The following GYS2 variants were observed in gnomAD, a reference collection of about 807,000 sequenced individuals.
The protein encoded by GYS2 is glycogen [starch] synthase, liver.
GYS2 carries 80 observed loss-of-function variants against 85.6 expected under a neutral mutation model. That is an observed-to-expected ratio of 0.93 (90% CI 0.78 to 1.13). The LOEUF (loss-of-function observed/expected upper bound fraction) is 1.13, where lower values mean the gene tolerates loss of function less well. GYS2 is among the 50% of genes most tolerant of loss of function. The pLI is 0.00. For synonymous variants in GYS2, 328 were observed against 300.7 expected (o/e 1.09, Z -0.94); for missense variants, 881 against 854.9 (o/e 1.03, Z -0.38).
chr12:21,585,640 G>A (rs938984402), intron 1 of GYS2, among the ~76,000 whole-genome samples: 17 of 151,600 alleles, frequency 1.1e-4, no homozygotes, highest in Non-Finnish European at 7.4e-5. Context: ...AGCAGAAGAA[G>A]GTAGTCATCA....
intron 1 of GYS2, among the ~76,000 whole-genome samples, chr12:21,583,857 G>A (rs1438377225): frequency 2.0e-5 from 3 of 152,190 alleles, no homozygotes; most frequent in Admixed American, 2.0e-4. Context: ...GTATATATGC[G>A]ATTGGGCTTG....
intron 1 of GYS2, among the ~76,000 whole-genome samples, chr12:21,597,544 A>T (rs1944709859): frequency 6.6e-6 from 1 of 152,120 alleles, no homozygotes; most frequent in African/African-American, 2.4e-5. Context: ...TTAATAAATA[A>T]ATAACACATG....
At chr12:21,576,204 C>T (rs1944445287) in intron 2 of GYS2, 147 bp from the exon 3 acceptor site, 1 of 685,974 alleles carries the variant, frequency 1.5e-6, no homozygotes, top group Non-Finnish European at 2.6e-6. Context: ...AACATATAGC[C>T]TCTGCTGTTT....
intron 3 of GYS2, 43 bp from the exon 4 acceptor site, chr12:21,574,369 A>C (rs778953072): frequency 6.7e-7 from 1 of 1,487,378 alleles, no homozygotes; most frequent in Non-Finnish European, 9.4e-7. Context: ...TTGTTGATGA[A>C]GCTTGATTGT....
chr12:21,579,775 C>G (rs1944487946), intron 2 of GYS2, among the ~76,000 whole-genome samples: 1 of 152,130 alleles, frequency 6.6e-6, no homozygotes, highest in Non-Finnish European at 1.5e-5. Context: ...GATTCTAATT[C>G]TATGGCCTCC....
intron 9 of GYS2, among the ~76,000 whole-genome samples, chr12:21,559,417 G>A (rs918460794): frequency 1.3e-5 from 2 of 152,060 alleles, no homozygotes; most frequent in African/African-American, 4.8e-5. Context: ...AACCCTTAAT[G>A]AGTTCATCAT....
chr12:21,570,382 T>C (rs898331568), intron 4 of GYS2, among the ~76,000 whole-genome samples: 2 of 152,234 alleles, frequency 1.3e-5, no homozygotes, highest in Admixed American at 6.5e-5. Flanking sequence ...GAAATGAGTA[T>C]GTGTCTGAAT....
chr12:21,533,931 G>T (rs910983270), downstream of GYS2, among the ~76,000 whole-genome samples: 6 of 152,174 alleles, frequency 3.9e-5, no homozygotes, highest in African/African-American at 1.4e-4. Flanking sequence ...TTCTTGCTGT[G>T]TCCTCACGTG....
At chr12:21,548,750 T>C (rs918225547) in intron 11 of GYS2, among the ~76,000 whole-genome samples, 17 of 152,166 alleles carry the variant, frequency 1.1e-4, no homozygotes, top group Non-Finnish European at 2.4e-4. Context: ...AAAATGTATA[T>C]ATACAGTACT....
At position 21,563,014 on chromosome 12, in the gene GYS2, C is replaced by A. The variant is rs757319049; in HGVS notation, c.966G>T (p.Lys322Asn). Residue 322 changes from lysine (K) to asparagine (N), a missense_variant, in exon 7 of 16, where the codon AAG becomes AAT. Physicochemically the swap from Lys to Asn is moderately conservative, Grantham distance 94. Transcript: ENST00000261195. ...TCCCAGCAATGAAAAGGAACAAAGT[C>A]TTTTCAAGATCAAAGTCGAGATGAC... ...FYGHLDFDLEKTLFLFIAGRY... is the reference protein window; with the variant it reads ...FYGHLDFDLENTLFLFIAGRY... 3.1e-6 allele frequency: 5 copies of A among 1,612,708 alleles called. No individual in the cohort carries two copies. In the Admixed American group the frequency reaches 8.3e-5, roughly 27 times the overall value.
rs778683706 is a variant in GYS2, at chr12:21,604,635, A to G, written c.-43T>C. The G allele has an allele frequency of 2.5e-6, 4 of 1,610,226 alleles. No homozygotes were observed. The highest frequency in any genetic ancestry group is 3.4e-6 in the Non-Finnish European group (4 of 1,177,372). On this transcript the variant is annotated 5_prime_UTR_variant, in exon 1 of 16. Coordinates refer to ENST00000261195, the MANE Select transcript of GYS2 (RefSeq NM_021957.4). ...GAGACTCCTTTGAATTCCTGTTTCA[A>G]TTAGTTGTAATCCCAGGAGAAGAGA...
chr12:21,561,390 C>T (rs573849466), intron 7 of GYS2, among the ~76,000 whole-genome samples: 1 of 152,252 alleles, frequency 6.6e-6, no homozygotes, highest in East Asian at 1.9e-4. Flanking sequence ...GAGTGTGGGG[C>T]ACTTTACCGT....
chr12:21,536,938 G>T lies in GYS2; in HGVS notation c.*16C>A, dbSNP rs760699361. 16 of 1,546,246 alleles carry T rather than the reference G, an allele frequency of 1.0e-5. No individual in the cohort carries two copies. Among genetic ancestry groups the T allele is most frequent in the Non-Finnish European group, 8.0e-6 (9 of 1,118,726 alleles). On this transcript the variant is annotated 3_prime_UTR_variant, in exon 16 of 16. Coordinates refer to ENST00000261195, the MANE Select transcript of GYS2 (RefSeq NM_021957.4). The stretch of plus-strand genomic sequence containing the variant: ...TTGCTTTTTTAAATTAGCTCTTCAT[G>T]CAGCACATGTAGAATTCAGTTCTTA...
chr12:21,593,722 T>A (rs1170891459), intron 1 of GYS2, among the ~76,000 whole-genome samples: 2 of 152,008 alleles, frequency 1.3e-5, no homozygotes, highest in Admixed American at 6.5e-5. Flanking sequence ...TAAATTCTTT[T>A]AAAAATTAAA....
rs765968541 is a variant in GYS2, at chr12:21,569,025, A to G, written c.679-16T>C. The stretch of plus-strand genomic sequence containing the variant: ...CAATGTTAAACTGTTAGAAACAAAA[A>G]TAAAACACACATTTGCTAACAATGG... On this transcript the variant is annotated splice_polypyrimidine_tract_variant and intron_variant, in intron 4 of 15. Coordinates refer to ENST00000261195, the MANE Select transcript of GYS2 (RefSeq NM_021957.4). 40 of 1,613,786 alleles carry G rather than the reference A, an allele frequency of 2.5e-5. No homozygotes were observed. The highest frequency in any genetic ancestry group is 3.3e-5 in the Non-Finnish European group (39 of 1,179,764).
rs777214550 is a variant in GYS2, at chr12:21,604,476, A to T, written c.117T>A (p.Asn39Lys). The T allele has an allele frequency of 5.6e-6, 9 of 1,600,668 alleles. No individual in the cohort carries two copies. Among genetic ancestry groups the T allele is most frequent in the African/African-American group, 1.3e-5 (1 of 74,608 alleles). Residue 39 changes from asparagine (N) to lysine (K), a missense_variant, in exon 1 of 16, where the codon AAT becomes AAA. Transcript: ENST00000261195. ...ACCTTCAGGAGCAGTACAAACCTTTATTGGTCACTTCCCAAGCAACTTCAA... is the reference window on the plus strand; with the variant it reads ...ACCTTCAGGAGCAGTACAAACCTTTTTTGGTCACTTCCCAAGCAACTTCAA... ...LLFEVAWEVTNKVGGIYTVIQ... is the reference protein window; with the variant it reads ...LLFEVAWEVTKKVGGIYTVIQ...
At chr12:21,588,399 A>G (rs1373402749) in intron 1 of GYS2, among the ~76,000 whole-genome samples, 2 of 152,232 alleles carry the variant, frequency 1.3e-5, no homozygotes, top group Non-Finnish European at 1.5e-5. Flanking sequence ...TACTTTTTGG[A>G]AAATTGCCCT....
chr12:21,554,343 C>T (rs1944151428), intron 11 of GYS2, among the ~76,000 whole-genome samples: 1 of 152,090 alleles, frequency 6.6e-6, no homozygotes, highest in Non-Finnish European at 1.5e-5. Context: ...TTCCTTCCTG[C>T]TCTCTCCTCA....
intron 12 of GYS2, among the ~76,000 whole-genome samples, chr12:21,545,327 A>G (rs922617070): frequency 3.3e-5 from 5 of 152,138 alleles, no homozygotes; most frequent in Non-Finnish European, 7.3e-5. Context: ...CTGTAATCCC[A>G]GCTACTCAAG....
Sources: allele counts gnomAD v4.1 joint callset (sites outside exome capture counted in the v4.1 genomes callset), GRCh38; gene constraint gnomAD v4.1.1; transcripts MANE v1.5; gene names NCBI Gene and HGNC (gene_info 2026-07-23, HGNC 2026-07-21).